Variants in MARS1 observed in about 807,000 individuals in gnomAD.
MARS1 encodes the protein methionine--tRNA ligase, cytoplasmic.
In MARS1, 80 loss-of-function variants were observed where a neutral mutation model predicts 119.5. That is an observed-to-expected ratio of 0.67 (90% CI 0.56 to 0.81). The LOEUF (loss-of-function observed/expected upper bound fraction) is 0.81, where lower values mean the gene tolerates loss of function less well. Ranked by LOEUF, MARS1 falls within the 30% of genes least tolerant of loss-of-function variation. The pLI is 0.00. For missense variants in MARS1, 945 were observed against 1,116.5 expected, an observed-to-expected ratio of 0.85 and a Z score of 2.19; for synonymous variants, 418 against 433.4, an observed-to-expected ratio of 0.96 and a Z score of 0.44.
At chr12:57,513,133 G>A (rs1877606622) in intron 15 of MARS1, among the ~76,000 whole-genome samples, 169 bp downstream of exon 15, 1 of 152,222 alleles carries the variant, frequency 6.6e-6, no homozygotes, top group Admixed American at 6.5e-5. Context: ...ACTAGGCTAT[G>A]TGTGCTTGAT....
At chr12:57,493,914 A>AAT (rs1199144643) in intron 7 of MARS1, among the ~76,000 whole-genome samples, 1 of 71,710 alleles carries the variant, frequency 1.4e-5, no homozygotes, top group Non-Finnish European at 2.4e-5. Context: ...TAATATATAT[A>AAT]ATATATATAA....
At chr12:57,489,640 A>C (rs1425988741) in intron 4 of MARS1, 82 bp downstream of exon 4, 1 of 1,555,286 alleles carries the variant, frequency 6.4e-7, no homozygotes, top group African/African-American at 1.4e-5. Context: ...GAGTGTTCGA[A>C]CCCAACACTG....
chr12:57,501,017 C>G (rs1368083550), intron 10 of MARS1, among the ~76,000 whole-genome samples: 1 of 152,188 alleles, frequency 6.6e-6, no homozygotes, highest in African/African-American at 2.4e-5. Context: ...GAAAATGTGA[C>G]AGAGAGTGAC....
intron 7 of MARS1, among the ~76,000 whole-genome samples, chr12:57,493,984 T>C (rs61935704): frequency 0.99 from 118,542 of 119,576 alleles, 58,771 homozygotes; most frequent in Middle Eastern, 1. Flanking sequence ...TAGACAGAGT[T>C]TCGCCTTGTC....
chr12:57,498,127 T>C, intron 7 of MARS1, 30 bp from the exon 8 acceptor site: 2 of 1,444,554 alleles, frequency 1.4e-6, no homozygotes, highest in Middle Eastern at 1.8e-4. Flanking sequence ...CATCCCCCCA[T>C]GCACTGTTCT....
In MARS1 at chr12:57,512,269, G is replaced by A; in HGVS notation, c.1669G>A (p.Val557Ile). The A allele has an allele frequency of 6.2e-7, 1 of 1,614,166 alleles. No individual in the cohort carries two copies. Among genetic ancestry groups the A allele is most frequent in the African/African-American group, 1.3e-5 (1 of 75,032 alleles). Residue 557 changes from valine (V) to isoleucine (I), a missense_variant, in exon 14 of 21, where the codon GTT (valine) becomes ATT (isoleucine). Val to Ile is a conservative substitution (Grantham distance 29). Coordinates refer to ENST00000262027, the MANE Select transcript of MARS1 (RefSeq NM_004990.4). ...DLYQFMAKDN[V>I]PFHSLVFPCS... ...GTATCAGTTCATGGCCAAAGACAAT[G>A]TTCCTTTCCATAGCTTAGTCTTTCC...
rs1877760867 is a variant in MARS1 at position 57,515,550 on chromosome 12, C to G, written c.2391+214C>G. On this transcript the variant is annotated intron_variant, in intron 18 of 20. Transcript: ENST00000262027. ...AGAAACCAGAACCTGGCACACAAAA[C>G]TAACTGGTAAACAGATATTTGAAGA... 6 of 593,930 alleles carry G rather than the reference C, an allele frequency of 1.0e-5. No homozygotes were observed. In the Admixed American group the frequency reaches 1.6e-4, roughly 15 times the overall value. 36.8% of individuals were successfully genotyped at this position (593,930 alleles called of 1,614,324 possible).
At chr12:57,493,776 T>TATATATTATATATTATA (rs1565641047) in intron 7 of MARS1, among the ~76,000 whole-genome samples, 118 of 658 alleles carry the variant, frequency 0.18, 13 homozygotes, top group Non-Finnish European at 0.35. Flanking sequence ...TTATATATAA[T>TATATATTATATATTATA]ATATATTATA....
At chr12:57,507,051 C>T (rs1219500728) in intron 11 of MARS1, among the ~76,000 whole-genome samples, 1 of 149,362 alleles carries the variant, frequency 6.7e-6, no homozygotes, top group Non-Finnish European at 1.5e-5. Flanking sequence ...GTGGTGATGA[C>T]TCTTAACGAG....
chr12:57,496,774 C>T lies in MARS1; in HGVS notation c.771-1383C>T, dbSNP rs116920370. On this transcript the variant is annotated intron_variant, in intron 7 of 20. Coordinates refer to ENST00000262027, the MANE Select transcript of MARS1 (RefSeq NM_004990.4). ...CCTAGGTGACAGAGGGAGACCCTGT[C>T]TCCAAAAAAAAAAAAAAAGGGAGAT... Among the ~76,000 whole-genome samples the T allele has an allele frequency of 2.9e-3, 430 of 146,808 alleles. 9 individuals are homozygous for T. The East Asian group carries it at 0.048, about 16-fold the overall frequency.
At chr12:57,495,938 G>T (rs1489364609) in intron 7 of MARS1, among the ~76,000 whole-genome samples, 1 of 152,124 alleles carries the variant, frequency 6.6e-6, no homozygotes, top group Non-Finnish European at 1.5e-5. Context: ...GCAGTGAGCC[G>T]AGATGGCGGC....
intron 18 of MARS1, chr12:57,515,543 C>G (rs1877760215): frequency 1.7e-6 from 1 of 597,462 alleles, no homozygotes; most frequent in African/African-American, 1.9e-5. Flanking sequence ...GAACCTGGCA[C>G]ACAAAACTAA....
chr12:57,508,963 CTT>C (rs1474990076), intron 11 of MARS1, among the ~76,000 whole-genome samples: 1 of 152,164 alleles, frequency 6.6e-6, no homozygotes, highest in Non-Finnish European at 1.5e-5. Flanking sequence ...CTGAATCAAT[CTT>C]TATTATGGTG....
chr12:57,491,768 C>T (rs566802827), intron 7 of MARS1, among the ~76,000 whole-genome samples: 9 of 152,150 alleles, frequency 5.9e-5, no homozygotes, highest in South Asian at 4.1e-4. Context: ...TTTATACATA[C>T]GCAGTTTTTT....
chr12:57,516,592 C>G lies in MARS1; in HGVS notation c.*11C>G. The G allele has an allele frequency of 6.4e-7, 1 of 1,562,218 alleles. No homozygotes were observed. The highest frequency in any genetic ancestry group is 8.6e-7 in the Non-Finnish European group (1 of 1,161,308). On this transcript the variant is annotated 3_prime_UTR_variant, in exon 21 of 21. Coordinates refer to ENST00000262027, the MANE Select transcript of MARS1 (RefSeq NM_004990.4). ...AAGAAGAAAAAGTAAAAGACCTTGG[C>G]TCATAGAAAGTCACTTTAATAGATA...
chr12:57,495,594 G>A (rs1032820793), intron 7 of MARS1, among the ~76,000 whole-genome samples: 5 of 150,216 alleles, frequency 3.3e-5, no homozygotes, highest in South Asian at 2.1e-4. Context: ...CTTCCCAGAC[G>A]GGGTGGCGGC....
Position 57,489,461 on chromosome 12 carries a change from A to C in MARS1, c.317A>C (p.Gln106Pro), listed in dbSNP as rs1213155632. The C allele has an allele frequency of 2.5e-6, 4 of 1,614,160 alleles. No homozygotes were observed. Among genetic ancestry groups the C allele is most frequent in the Middle Eastern group, 1.6e-4 (1 of 6,062 alleles). The change falls in exon 4 of 21, where the codon CAA becomes CCA. Residue 106 changes from glutamine (Q) to proline (P), a missense_variant. Transcript: ENST00000262027. ...LSAALYYLVVQGKKGEDVLGS... is the reference protein window; with the variant it reads ...LSAALYYLVVPGKKGEDVLGS... Reference sequence around the variant, plus strand: ...GCTGCCCTGTACTATTTAGTGGTCCAAGGCAAGAAGGGGGAAGATGTTCTT... The same window carrying C: ...GCTGCCCTGTACTATTTAGTGGTCCCAGGCAAGAAGGGGGAAGATGTTCTT...
rs778106911 is a variant in MARS1, at chr12:57,488,081, T to C, written c.-10T>C. On this transcript the variant is annotated 5_prime_UTR_variant, in exon 1 of 21. Coordinates refer to ENST00000262027, the MANE Select transcript of MARS1 (RefSeq NM_004990.4). ...GGTTCCGGTTGCATCAGCGAGGGAT[T>C]CACGGCGAAATGAGACTGTTCGTGA... The C allele has an allele frequency of 2.5e-5, 41 of 1,612,790 alleles. No individual in the cohort carries two copies. Among genetic ancestry groups the C allele is most frequent in the Non-Finnish European group, 3.2e-5 (38 of 1,179,014 alleles).
chr12:57,512,042 A>G lies in MARS1; in HGVS notation c.1574A>G (p.Tyr525Cys), dbSNP rs1565650555. 1 of 1,614,144 alleles carries G rather than the reference A, an allele frequency of 6.2e-7. No homozygotes were observed. The highest frequency in any genetic ancestry group is 8.5e-7 in the Non-Finnish European group (1 of 1,180,022). Residue 525 changes from tyrosine (Y) to cysteine (C), a missense_variant, in exon 13 of 21, where the codon TAT (tyrosine) becomes TGT (cysteine). By Grantham distance (194) the Tyr-to-Cys change is radical (BLOSUM62 -2). Transcript: ENST00000262027. ...GTCTGGTTTGATGCCACTATTGGCTATCTGTCCATCACAGCCAACTACACA... is the reference window on the plus strand; with the variant it reads ...GTCTGGTTTGATGCCACTATTGGCTGTCTGTCCATCACAGCCAACTACACA... ...FYVWFDATIGYLSITANYTDQ... is the reference protein window; with the variant it reads ...FYVWFDATIGCLSITANYTDQ...
Sources: gnomAD v4.1 joint callset for allele counts (sites outside exome capture counted in the v4.1 genomes callset) on GRCh38, gnomAD v4.1.1 for gene constraint, MANE v1.5 for transcripts, NCBI Gene and HGNC (gene_info 2026-07-23, HGNC 2026-07-21) for gene names.